The following NAGLU variants were observed in gnomAD, a reference collection of about 807,000 sequenced individuals.
The protein encoded by NAGLU is alpha-N-acetylglucosaminidase.
NAGLU carries 34 observed loss-of-function variants against 43.4 expected under a neutral mutation model. The observed-to-expected ratio is 0.78, with a 90% CI of 0.60 to 1.04. The LOEUF (loss-of-function observed/expected upper bound fraction) is 1.04, where lower values mean the gene tolerates loss of function less well. Ranked by LOEUF, NAGLU falls within the 50% of genes least tolerant of loss-of-function variation. NAGLU has a pLI of 0.00. For synonymous variants in NAGLU, 425 were observed against 437.6 expected, an observed-to-expected ratio of 0.97 and a Z score of 0.36; for missense variants, 910 against 993.7, an observed-to-expected ratio of 0.92 and a Z score of 1.13.
Position 42,538,555 on chromosome 17 carries a change from A to G in NAGLU, c.678+70A>G, listed in dbSNP as rs2092913293. On this transcript the variant is annotated intron_variant, in intron 3 of 5. Transcript: ENST00000225927. ...TCATGGGCCCAGGAAGGGTGGTATT[A>G]GGCCGGCCCCAGGGCTCTTAACTGA... is the stretch of plus-strand genomic sequence containing the variant. The G allele has an allele frequency of 3.1e-6, 5 of 1,613,092 alleles. No homozygotes were observed. The East Asian group carries it at 1.1e-4, about 36-fold the overall frequency.
chr17:42,540,902 A>G (rs760220794), intron 4 of NAGLU, 48 bp from the exon 5 acceptor site: 2 of 1,614,054 alleles, frequency 1.2e-6, no homozygotes, highest in Middle Eastern at 1.6e-4. Flanking sequence ...ACTATGGTGA[A>G]CACTATGGCG....
At chr17:42,537,131 G>C (rs1305019755) in intron 1 of NAGLU, 2 of 508,114 alleles carry the variant, frequency 3.9e-6, no homozygotes, top group African/African-American at 3.9e-5. Context: ...TGCAGAGGAG[G>C]GGCTCTGGCA....
At chr17:42,537,051 A>G in intron 1 of NAGLU, 1 of 458,706 alleles carries the variant, frequency 2.2e-6, no homozygotes, top group Admixed American at 3.4e-5. Context: ...TGATGTGTTC[A>G]CACAGCTGTC....
intron 5 of NAGLU, 52 bp from the exon 6 acceptor site, chr17:42,542,976 G>C (rs376406063): frequency 6.3e-7 from 1 of 1,596,516 alleles, no homozygotes; most frequent in Non-Finnish European, 8.5e-7. Context: ...CATTCCCTGG[G>C]CCCTCTGTTT....
In NAGLU at chr17:42,538,687, G is replaced by A; in HGVS notation, c.696G>A (p.Gln232=). The stretch of plus-strand genomic sequence containing the variant: ...TCCTCCAGCACCGGGTCCTGGACCA[G>A]ATGCGCTCCTTCGGCATGACCCCAG... The part of the protein sequence containing the change: ...QLYLQHRVLD[Q]MRSFGMTPVL... The change falls in exon 4 of 6, where the codon CAG becomes CAA. Residue 232 remains glutamine, a synonymous_variant. Transcript: ENST00000225927. The A allele has an allele frequency of 6.2e-7, 1 of 1,614,064 alleles. No homozygotes were observed. The highest frequency in any genetic ancestry group is 8.5e-7 in the Non-Finnish European group (1 of 1,180,038).
intron 3 of NAGLU, 34 bp from the exon 4 acceptor site, chr17:42,538,636 G>A: frequency 6.2e-7 from 1 of 1,613,468 alleles, no homozygotes; most frequent in Non-Finnish European, 8.5e-7. Flanking sequence ...GACAGCAGTG[G>A]CCATGCTCAC....
At chr17:42,541,307 G>C in intron 5 of NAGLU, 101 bp downstream of exon 5, 1 of 1,482,456 alleles carries the variant, frequency 6.7e-7, no homozygotes, top group South Asian at 1.2e-5. Flanking sequence ...ATAATGCCTC[G>C]CCATAACACA....
intron 4 of NAGLU, among the ~76,000 whole-genome samples, chr17:42,539,665 G>A (rs143586592): frequency 6.6e-6 from 1 of 152,356 alleles, no homozygotes; most frequent in Non-Finnish European, 1.5e-5. Context: ...CTGGGAGGCG[G>A]CAAGAAAGGT....
Position 42,537,475 on chromosome 17 carries a change from T to C in NAGLU, c.461T>C (p.Ile154Thr), listed in dbSNP as rs770684838. The change falls in exon 2 of 6, where the codon ATA (isoleucine) becomes ACA (threonine). Residue 154 changes from isoleucine (I) to threonine (T), a missense_variant. Transcript: ENST00000225927. ...GACTGGGCCCGCTGGGAGCGAGAGA[T>C]AGACTGGATGGCGCTGAATGGCATC... ...WWDWARWERE[I>T]DWMALNGINL... is the part of the protein sequence containing the mutation. 2.5e-6 allele frequency: 4 copies of C among 1,614,098 alleles called. No individual in the cohort carries two copies. The highest frequency in any genetic ancestry group is 2.2e-5 in the East Asian group (1 of 44,890).
Position 42,536,472 on chromosome 17 carries a change from T to C in NAGLU, c.200T>C (p.Leu67Pro), listed in dbSNP as rs1486608317. Residue 67 changes from leucine to proline, a missense_variant, in exon 1 of 6, where the codon CTG becomes CCG. Transcript: ENST00000225927. ...AAGCCGGGCTTGGACACCTACAGCC[T>C]GGGCGGCGGCGGCGCGGCGCGCGTG... Reference protein sequence around the residue: ...AAKPGLDTYSLGGGGAARVRV... With the variant: ...AAKPGLDTYSPGGGGAARVRV... 2 of 1,219,010 alleles carry C rather than the reference T, an allele frequency of 1.6e-6. No individual in the cohort carries two copies. The highest frequency in any genetic ancestry group is 1.0e-6 in the Non-Finnish European group (1 of 979,598). The allele number at this position is 1,219,010 out of a possible 1,614,324, so 75.5% of individuals were successfully genotyped here. A position where few individuals can be genotyped will look rare whatever the true frequency, so the allele number is the denominator to read the frequency against.
intron 1 of NAGLU, 88 bp from the exon 2 acceptor site, chr17:42,537,310 T>A: frequency 6.3e-7 from 1 of 1,588,932 alleles, no homozygotes; most frequent in East Asian, 2.2e-5. Context: ...GCCCCTCCCC[T>A]CTCCTCTAGG....
intron 4 of NAGLU, among the ~76,000 whole-genome samples, chr17:42,540,738 T>G (rs1442539960): frequency 6.6e-6 from 1 of 151,280 alleles, no homozygotes; most frequent in Non-Finnish European, 1.5e-5. Context: ...GTTGCTTGTT[T>G]CAGGCCACAG....
intron 4 of NAGLU, among the ~76,000 whole-genome samples, chr17:42,540,557 G>A (rs1450611948): frequency 6.6e-6 from 1 of 151,868 alleles, no homozygotes; most frequent in African/African-American, 2.4e-5. Context: ...TTAGCCGGGT[G>A]TGGTGGCGGG....
At chr17:42,538,777 C>T (rs1165577454) in intron 4 of NAGLU, 22 bp downstream of exon 4, 1 of 1,612,622 alleles carries the variant, frequency 6.2e-7, no homozygotes, top group Admixed American at 1.7e-5. Context: ...CTCACCCCCT[C>T]CACTTAGCTC....
At chr17:42,536,685 C>G in intron 1 of NAGLU, 30 bp downstream of exon 1, 1 of 1,440,750 alleles carries the variant, frequency 6.9e-7, no homozygotes, top group Non-Finnish European at 9.1e-7. Flanking sequence ...CCGCGTCCGC[C>G]CGAGGCGCTT....
rs2092905454 is a variant in NAGLU at position 42,536,249 on chromosome 17, C to T, written c.-24C>T. On this transcript the variant is annotated 5_prime_UTR_variant, in exon 1 of 6. Transcript: ENST00000225927. ...GCGGGCCGCCCCACCCCCTGGCCGTCGCGGGACCCGCAGGACTGAGACCAT... is the reference window on the plus strand; with the variant it reads ...GCGGGCCGCCCCACCCCCTGGCCGTTGCGGGACCCGCAGGACTGAGACCAT... The T allele has an allele frequency of 8.2e-7, 1 of 1,215,542 alleles. No individual in the cohort carries two copies. Among genetic ancestry groups the T allele is most frequent in the South Asian group, 4.1e-5 (1 of 24,176 alleles). The allele number at this position is 1,215,542 out of a possible 1,614,324, so 75.3% of individuals were successfully genotyped here. A position where few individuals can be genotyped will look rare whatever the true frequency, so the allele number is the denominator to read the frequency against.
chr17:42,536,981 A>C, intron 1 of NAGLU: 2 of 463,236 alleles, frequency 4.3e-6, no homozygotes, highest in Non-Finnish European at 3.8e-6. Flanking sequence ...CGGACTGAGG[A>C]AGGACGCCTC....
At chr17:42,541,850 G>A (rs1418968833) in intron 5 of NAGLU, among the ~76,000 whole-genome samples, 28 of 152,134 alleles carry the variant, frequency 1.8e-4, no homozygotes, top group Admixed American at 1.8e-3. Flanking sequence ...GCAGCAGCCC[G>A]AGCTGTGAGA....
At position 42,544,156 on chromosome 17, in the gene NAGLU, G is replaced by C. The variant is rs1014037051; in HGVS notation, c.2150G>C (p.Ser717Thr). 1 of 1,613,796 alleles carries C rather than the reference G, an allele frequency of 6.2e-7. No individual in the cohort carries two copies. Among genetic ancestry groups the C allele is most frequent in the Non-Finnish European group, 8.5e-7 (1 of 1,180,028 alleles). Residue 717 changes from serine (S) to threonine (T), a missense_variant, in exon 6 of 6, where the codon AGC becomes ACC. Coordinates refer to ENST00000225927, the MANE Select transcript of NAGLU (RefSeq NM_000263.4). ...AFVLSKQRYP[S>T]QPRGDTVDLA... ...GTTCTCAGCAAGCAGAGGTACCCCA[G>C]CCAGCCGCGAGGAGACACTGTGGAC...
Sources: gnomAD v4.1 joint callset for allele counts (sites outside exome capture counted in the v4.1 genomes callset) on GRCh38, gnomAD v4.1.1 for gene constraint, MANE v1.5 for transcripts, NCBI Gene and HGNC (gene_info 2026-07-23, HGNC 2026-07-21) for gene names.